RBM15: variants seen among roughly 807,000 people sequenced by gnomAD.
The protein encoded by RBM15 is RNA binding motif protein 15, also known as RNA-binding protein 15.
Under a neutral mutation model 62.6 loss-of-function variants are expected in RBM15, and 8 were observed. That is an observed-to-expected ratio of 0.13 (90% CI 0.07 to 0.23). The LOEUF (loss-of-function observed/expected upper bound fraction) is 0.23, where lower values mean the gene tolerates loss of function less well. RBM15 is among the 10% of genes least tolerant of loss of function. The pLI, the probability that RBM15 is intolerant of heterozygous loss-of-function variation, is 1.00. For missense variants in RBM15, 1,144 were observed against 1,286.5 expected (o/e 0.89, Z 1.69); for synonymous variants, 606 against 505.7 (o/e 1.20, Z -2.66).
chr1:110,339,521 T>G lies in RBM15; in HGVS notation c.116T>G (p.Leu39Arg). The change falls in exon 1 of 3, where the codon CTC becomes CGC. Residue 39 changes from leucine (L) to arginine (R), a missense_variant. Leu to Arg is a moderately radical substitution (Grantham distance 102). Coordinates refer to ENST00000369784, the MANE Select transcript of RBM15 (RefSeq NM_022768.5). The part of the protein sequence containing the change: ...RRVTQLRGDD[L>R]RRPATMKGKE... ...GTTACTCAGCTCCGCGGAGACGACC[T>G]CCGACGACCCGCAACAATGAAGGGA... 1.2e-6 allele frequency: 2 copies of G among 1,600,356 alleles called. No homozygotes were observed. The highest frequency in any genetic ancestry group is 8.5e-7 in the Non-Finnish European group (1 of 1,170,584).
chr1:110,346,180 T>C, intron 2 of RBM15, 128 bp from the exon 3 acceptor site: 1 of 870,070 alleles, frequency 1.1e-6, no homozygotes, highest in Non-Finnish European at 1.8e-6. Context: ...CTTTTTGAAG[T>C]TGAGGTGAAC....
chr1:110,345,534 C>G lies in RBM15; in HGVS notation c.2864-5C>G. ...TGGACATTTTTTTTTCTGTCTCTCT[C>G]ACAGGGTTTGGTTTTCAGATAGGAG... On this transcript the variant is annotated splice_region_variant and splice_polypyrimidine_tract_variant and intron_variant, in intron 1 of 2. Transcript: ENST00000369784. The G allele has an allele frequency of 5.6e-6, 9 of 1,596,424 alleles. No homozygotes were observed. The highest frequency in any genetic ancestry group is 7.7e-6 in the Non-Finnish European group (9 of 1,166,984).
chr1:110,340,722 A>C lies in RBM15; in HGVS notation c.1317A>C (p.Ile439=). The change falls in exon 1 of 3, where the codon ATA becomes ATC. Residue 439 remains isoleucine (I), a synonymous_variant. Transcript: ENST00000369784. The surrounding 1 kb of genome is among the most constrained non-coding windows in gnomAD (Gnocchi z 5.8). ...AATTAGCAATGTCTGGCAAAATTAT[A>C]ATTCGGAATCCTATCAAAATTGGTT... ...RAKLAMSGKI[I]IRNPIKIGYG... 1 of 1,614,104 alleles carries C rather than the reference A, an allele frequency of 6.2e-7. No homozygotes were observed. Among genetic ancestry groups the C allele is most frequent in the South Asian group, 1.1e-5 (1 of 91,076 alleles).
At position 110,346,476 on chromosome 1, in the gene RBM15, G is replaced by A; in HGVS notation, c.*209G>A. The A allele has an allele frequency of 1.1e-6, 1 of 904,630 alleles. No individual in the cohort carries two copies. Among genetic ancestry groups the A allele is most frequent in the Non-Finnish European group, 1.8e-6 (1 of 569,830 alleles). The allele number at this position is 904,630 out of a possible 1,614,324, so 56.0% of individuals were successfully genotyped here. A position where few individuals can be genotyped will look rare whatever the true frequency, so the allele number is the denominator to read the frequency against. On this transcript the variant is annotated 3_prime_UTR_variant, in exon 3 of 3. Transcript: ENST00000369784. The stretch of plus-strand genomic sequence containing the variant: ...AATGGCAGCTTAAAGTTGTGTATCT[G>A]CTATTGTGATGCCAATGCCGGTGTT...
chr1:110,342,544 G>C (rs1660820561), intron 1 of RBM15: 1 of 380,776 alleles, frequency 2.6e-6, no homozygotes, highest in Admixed American at 4.5e-5. Context: ...CCACCCTTAT[G>C]AGTAATTTTT....
chr1:110,340,297 G>A lies in RBM15; in HGVS notation c.892G>A (p.Ala298Thr), dbSNP rs1457254053. 11 of 1,614,230 alleles carry A rather than the reference G, an allele frequency of 6.8e-6. No individual in the cohort carries two copies. The Admixed American group carries it at 8.3e-5, about 12-fold the overall frequency. The change falls in exon 1 of 3, where the codon GCT (alanine) becomes ACT (threonine). Residue 298 changes from alanine (A) to threonine (T), a missense_variant. Transcript: ENST00000369784. This position sits in a 1 kb window ranked among gnomAD's most constrained non-coding sequence, Gnocchi z 5.8. ...GGQRSLSPGG[A>T]ALGYRDYRLQ... ...CCAGAGATCACTTTCCCCTGGTGGC[G>A]CTGCTTTGGGATACAGAGACTACCG... is the stretch of plus-strand genomic sequence containing the variant.
In RBM15 at chr1:110,339,456, G is replaced by A. The variant is rs1045060328; in HGVS notation, c.51G>A (p.Arg17=). The part of the protein sequence containing the change: ...DPVPRRSPRW[R]RAVPLCETSA... ...TGCCGCGGCGGAGTCCAAGATGGCG[G>A]CGTGCGGTTCCGCTGTGTGAAACGA... The change falls in exon 1 of 3, where the codon CGG becomes CGA. Residue 17 remains arginine (R), a synonymous_variant. Transcript: ENST00000369784. 1.3e-5 allele frequency: 20 copies of A among 1,545,484 alleles called. 1 individual carries two copies. In the South Asian group the frequency reaches 2.5e-4, roughly 19 times the overall value.
Position 110,339,791 on chromosome 1 carries a change from C to A in RBM15, c.386C>A (p.Pro129Gln). The change falls in exon 1 of 3, where the codon CCG becomes CAG. Residue 129 changes from proline to glutamine, a missense_variant. Pro to Gln is a moderately conservative substitution (Grantham distance 76). Around this residue, in one of 8 missense-constraint regions of RBM15, gnomAD observed 298 missense variants for 250.0 expected, o/e 1.19. Transcript: ENST00000369784. Reference protein sequence around the residue: ...SSSRLHSYSSPSTKNSSGGGE... With the variant: ...SSSRLHSYSSQSTKNSSGGGE... ...AGCCGCTTGCATAGTTATAGCTCCC[C>A]GAGCACCAAAAATTCTTCGGGCGGG... 3 of 1,603,046 alleles carry A rather than the reference C, an allele frequency of 1.9e-6. No homozygotes were observed. The highest frequency in any genetic ancestry group is 8.5e-7 in the Non-Finnish European group (1 of 1,171,854).
In RBM15 at chr1:110,340,471, G is replaced by A. The variant is rs1293218275; in HGVS notation, c.1066G>A (p.Ala356Thr). 2.5e-6 allele frequency: 4 copies of A among 1,614,044 alleles called. No individual in the cohort carries two copies. The highest frequency in any genetic ancestry group is 3.4e-6 in the Non-Finnish European group (4 of 1,180,012). ...EPRVGAGAGA[A>T]PFREVDEISP... Reference sequence around the variant, plus strand: ...AAGGGTGGGAGCTGGAGCAGGTGCTGCTCCTTTCAGAGAAGTGGATGAGAT... The same window carrying A: ...AAGGGTGGGAGCTGGAGCAGGTGCTACTCCTTTCAGAGAAGTGGATGAGAT... Residue 356 changes from alanine (A) to threonine (T), a missense_variant, in exon 1 of 3, where the codon GCT (alanine) becomes ACT (threonine). Around this residue, in one of 8 missense-constraint regions of RBM15, gnomAD observed 33 missense variants for 39.6 expected, o/e 0.83. Coordinates refer to ENST00000369784, the MANE Select transcript of RBM15 (RefSeq NM_022768.5). This position sits in a 1 kb window ranked among gnomAD's most constrained non-coding sequence, Gnocchi z 5.8.
At chr1:110,346,201 GGTCTT>G in intron 2 of RBM15, 102 bp from the exon 3 acceptor site, 1 of 1,127,246 alleles carries the variant, frequency 8.9e-7, no homozygotes, top group Non-Finnish European at 1.3e-6. Context: ...CATCCAGGAA[GGTCTT>G]GTTAATGTTA....
At chr1:110,344,438 G>A (rs528599337) in intron 1 of RBM15, among the ~76,000 whole-genome samples, 2 of 151,634 alleles carry the variant, frequency 1.3e-5, no homozygotes, top group Non-Finnish European at 2.9e-5. Context: ...GTGTGACAGC[G>A]TACAGAAGAG....
rs768241522 is a variant in RBM15, at chr1:110,340,168, C to G, written c.763C>G (p.Arg255Gly). The G allele has an allele frequency of 6.2e-7, 1 of 1,613,870 alleles. No homozygotes were observed. Among genetic ancestry groups the G allele is most frequent in the South Asian group, 1.1e-5 (1 of 91,078 alleles). The change falls in exon 1 of 3, where the codon CGC becomes GGC. Residue 255 changes from arginine (R) to glycine (G), a missense_variant. Around this residue, in one of 8 missense-constraint regions of RBM15, gnomAD observed 188 missense variants for 185.6 expected, o/e 1.01. Coordinates refer to ENST00000369784, the MANE Select transcript of RBM15 (RefSeq NM_022768.5). The surrounding 1 kb of genome is among the most constrained non-coding windows in gnomAD (Gnocchi z 5.8). ...GATAGAAGCTGTGTATGTGAGCCGG[C>G]GCCGCAGCCGCTCCCCTTTAGACAA... is the stretch of plus-strand genomic sequence containing the variant. ...LKIEAVYVSR[R>G]RSRSPLDKDT...
At chr1:110,344,508 G>A (rs1425549332) in intron 1 of RBM15, among the ~76,000 whole-genome samples, 5 of 152,086 alleles carry the variant, frequency 3.3e-5, no homozygotes, top group Middle Eastern at 6.8e-3. Flanking sequence ...CTTTTGTTAG[G>A]TCTGGGCAAT....
At position 110,340,384 on chromosome 1, in the gene RBM15, C is replaced by T. The variant is rs370243891; in HGVS notation, c.979C>T (p.Leu327=). The change falls in exon 1 of 3, where the codon CTG becomes TTG. Residue 327 remains leucine, a synonymous_variant. Transcript: ENST00000369784. This position sits in a 1 kb window ranked among gnomAD's most constrained non-coding sequence, Gnocchi z 5.8. ...ACCTCCGCCACCATTGCCTCGAGAC[C>T]TGGAGAGAGAAAGAGACTACCCGTT... ...PPPPPPLPRD[L]ERERDYPFYE... The T allele has an allele frequency of 5.7e-5, 92 of 1,614,206 alleles. No individual in the cohort carries two copies. The highest frequency in any genetic ancestry group is 4.9e-4 in the African/African-American group (37 of 75,044).
Position 110,346,363 on chromosome 1 carries a change from T to G in RBM15, c.*96T>G, listed in dbSNP as rs1660898165. The G allele has an allele frequency of 6.3e-7, 1 of 1,597,796 alleles. No homozygotes were observed. Among genetic ancestry groups the G allele is most frequent in the African/African-American group, 1.3e-5 (1 of 74,926 alleles). On this transcript the variant is annotated 3_prime_UTR_variant, in exon 3 of 3. Coordinates refer to ENST00000369784, the MANE Select transcript of RBM15 (RefSeq NM_022768.5). ...GGAATTCAAAGCTCTAATGGACCTT[T>G]TTGAAGAGAAGTTGTGGCTTATGTG...
At position 110,340,627 on chromosome 1, in the gene RBM15, C is replaced by T. The variant is rs746573940; in HGVS notation, c.1222C>T (p.Pro408Ser). Residue 408 changes from proline (P) to serine (S), a missense_variant, in exon 1 of 3, where the codon CCT (proline) becomes TCT (serine). Coordinates refer to ENST00000369784, the MANE Select transcript of RBM15 (RefSeq NM_022768.5). The surrounding 1 kb of genome is among the most constrained non-coding windows in gnomAD (Gnocchi z 5.8). ...CATCACAGAAGTAGATATCAAGAGG[C>T]CTTCTCGCGGCCAGACTAGTACTTA... is the stretch of plus-strand genomic sequence containing the variant. Reference protein sequence around the residue: ...GVITEVDIKRPSRGQTSTYGF... With the variant: ...GVITEVDIKRSSRGQTSTYGF... 3 of 1,614,198 alleles carry T rather than the reference C, an allele frequency of 1.9e-6. No homozygotes were observed. Among genetic ancestry groups the T allele is most frequent in the Non-Finnish European group, 2.5e-6 (3 of 1,180,018 alleles).
At position 110,346,677 on chromosome 1, in the gene RBM15, A is replaced by G; in HGVS notation, c.*410A>G. 3.0e-6 allele frequency: 1 copy of G among 334,944 alleles called. No individual in the cohort carries two copies. The highest frequency in any genetic ancestry group is 5.5e-6 in the Non-Finnish European group (1 of 183,404). The allele number at this position is 334,944 out of a possible 1,614,324, so 20.7% of individuals were successfully genotyped here. ...AAATAAATTGTTTCTTTTGAGGAAA[A>G]TGTTTTTCTGCCTGGAAGTGAATTG... On this transcript the variant is annotated 3_prime_UTR_variant, in exon 3 of 3. Coordinates refer to ENST00000369784, the MANE Select transcript of RBM15 (RefSeq NM_022768.5).
Position 110,339,754 on chromosome 1 carries a change from G to A in RBM15, c.349G>A (p.Gly117Ser), listed in dbSNP as rs781769244. 6.2e-7 allele frequency: 1 copy of A among 1,611,420 alleles called. No homozygotes were observed. Among genetic ancestry groups the A allele is most frequent in the Non-Finnish European group, 8.5e-7 (1 of 1,178,686 alleles). Residue 117 changes from glycine to serine, a missense_variant, in exon 1 of 3, where the codon GGC becomes AGC. By Grantham distance (56) the Gly-to-Ser change is moderately conservative. Around this residue, in one of 8 missense-constraint regions of RBM15, gnomAD observed 298 missense variants for 250.0 expected, o/e 1.19. Transcript: ENST00000369784. ...GGSREYDTGGGSSSSRLHSYS... is the reference protein window; with the variant it reads ...GGSREYDTGGSSSSSRLHSYS... ...CAGCCGCGAGTATGATACCGGTGGG[G>A]GCAGCTCCAGTAGCCGCTTGCATAG... is the stretch of plus-strand genomic sequence containing the variant.
In RBM15 at chr1:110,340,823, G is replaced by A. The variant is rs1356221242; in HGVS notation, c.1418G>A (p.Arg473Gln). The change falls in exon 1 of 3, where the codon CGA (arginine) becomes CAA (glutamine). Residue 473 changes from arginine to glutamine, a missense_variant. By Grantham distance (43) the Arg-to-Gln change is conservative. Around this residue, in one of 8 missense-constraint regions of RBM15, gnomAD observed 105 missense variants for 193.6 expected, o/e 0.54. Coordinates refer to ENST00000369784, the MANE Select transcript of RBM15 (RefSeq NM_022768.5). This position sits in a 1 kb window ranked among gnomAD's most constrained non-coding sequence, Gnocchi z 5.8. ...TGGGTTCCTCTTGCTGCCCTGGCAC[G>A]AGAATTTGATCGATTTGGCACCATA... ...GPWVPLAALA[R>Q]EFDRFGTIRT... is the part of the protein sequence containing the mutation. The A allele has an allele frequency of 3.1e-6, 5 of 1,614,178 alleles. No individual in the cohort carries two copies. Among genetic ancestry groups the A allele is most frequent in the Middle Eastern group, 1.6e-4 (1 of 6,062 alleles).
Sources: gnomAD v4.1 joint callset for allele counts (sites outside exome capture counted in the v4.1 genomes callset) on GRCh38, gnomAD v4.1.1 for gene constraint, gnomAD v4.1.1 regional missense constraint, Gnocchi (gnomAD v3.1) non-coding constraint, MANE v1.5 for transcripts, NCBI Gene and HGNC (gene_info 2026-07-23, HGNC 2026-07-21) for gene names.